The following SPECC1 variants were observed in gnomAD, a reference collection of about 807,000 sequenced individuals.
SPECC1 encodes the protein cytospin-B.
In SPECC1, 62 loss-of-function variants were observed where a neutral mutation model predicts 104.1. The ratio of observed to expected loss-of-function variants is 0.60; its 90% CI spans 0.49 to 0.74. SPECC1 has a LOEUF of 0.74. SPECC1 is among the 30% of genes least tolerant of loss of function. The pLI, the probability that SPECC1 is intolerant of heterozygous loss-of-function variation, is 0.00. For synonymous variants in SPECC1, 513 were observed against 501.6 expected, an observed-to-expected ratio of 1.02 and a Z score of -0.30; for missense variants, 1,306 against 1,310.5, an observed-to-expected ratio of 1.00 and a Z score of 0.05.
intron 3 of SPECC1, among the ~76,000 whole-genome samples, chr17:20,183,258 C>T (rs866364849): frequency 6.6e-5 from 10 of 152,286 alleles, no homozygotes; most frequent in Middle Eastern, 3.4e-3. Flanking sequence ...TATATGTCTA[C>T]CCCTGTGGTG....
At chr17:20,024,540 T>A (rs2044524355) in intron 1 of SPECC1, among the ~76,000 whole-genome samples, 1 of 152,340 alleles carries the variant, frequency 6.6e-6, no homozygotes, top group African/African-American at 2.4e-5. Flanking sequence ...TTTTCTACCC[T>A]TCCATATTTC....
At chr17:20,259,061 G>A (rs1282335123) in intron 11 of SPECC1, among the ~76,000 whole-genome samples, 1 of 152,210 alleles carries the variant, frequency 6.6e-6, no homozygotes, top group African/African-American at 2.4e-5. Flanking sequence ...GCTAGTTTAG[G>A]AGTAATAGCT....
chr17:20,205,589 G>A lies in SPECC1; in HGVS notation c.1540G>A (p.Glu514Lys), dbSNP rs1367812489. 8.1e-6 allele frequency: 13 copies of A among 1,614,042 alleles called. No individual in the cohort carries two copies. The South Asian group carries it at 1.3e-4, about 16-fold the overall frequency. The change falls in exon 4 of 15, where the codon GAA (glutamate) becomes AAA (lysine). Residue 514 changes from glutamate to lysine, a missense_variant. Glu to Lys is a moderately conservative substitution (Grantham distance 56). Around this residue, in one of 2 missense-constraint regions of SPECC1, gnomAD observed 1,177 missense variants for 1,139.9 expected, o/e 1.03. Transcript: ENST00000395527. ...TTTAGAAATGATTAAACGTCTGAAG[G>A]AAGAAAATGAAAAACTGAATGAGTT... ...GALEMIKRLK[E>K]ENEKLNEFLE... is the part of the protein sequence containing the mutation.
intron 3 of SPECC1, among the ~76,000 whole-genome samples, chr17:20,145,824 T>G (rs1054433982): frequency 6.6e-6 from 1 of 152,226 alleles, no homozygotes; most frequent in Non-Finnish European, 1.5e-5. Context: ...TGATAGGTAG[T>G]CCACAGAGAC....
Position 20,315,047 on chromosome 17 carries a change from C to T in SPECC1, c.*982C>T. On this transcript the variant is annotated 3_prime_UTR_variant, in exon 15 of 15. Coordinates refer to ENST00000395527, the MANE Select transcript of SPECC1 (RefSeq NM_001243439.2). ...TTTGTCCTCCCATTCGTTTACCCTC[C>T]CGTTCACATCCACACAGGCTTGTAC... The T allele has an allele frequency of 4.3e-6, 1 of 232,948 alleles. No homozygotes were observed. The allele number at this position is 232,948 out of a possible 1,614,324, so 14.4% of individuals were successfully genotyped here.
At chr17:20,282,054 G>A (rs1189514852) in intron 12 of SPECC1, among the ~76,000 whole-genome samples, 2 of 152,272 alleles carry the variant, frequency 1.3e-5, no homozygotes, top group African/African-American at 4.8e-5. Context: ...CCAGCCAGGG[G>A]GCAGGAGGTG....
At chr17:20,253,356 CAAAT>C in intron 9 of SPECC1, 145 bp from the exon 10 acceptor site, 1 of 651,036 alleles carries the variant, frequency 1.5e-6, no homozygotes, top group Non-Finnish European at 2.6e-6. Flanking sequence ...ATTACCTATT[CAAAT>C]AAATGAGTTA....
Position 20,205,103 on chromosome 17 carries a change from A to C in SPECC1, c.1054A>C (p.Ser352Arg), listed in dbSNP as rs1043767887. ...GTCCTCCACCAGTAACCCCTTTAAG[A>C]GTTCAAAGTGTTCTACTGCTGGGAG... The part of the protein sequence containing the change: ...PLSSTSNPFK[S>R]SKCSTAGSSP... The change falls in exon 4 of 15, where the codon AGT becomes CGT. Residue 352 changes from serine to arginine, a missense_variant. Physicochemically the swap from Ser to Arg is moderately radical, Grantham distance 110. This residue lies in a region of SPECC1 where 1,177 missense variants were observed against 1,139.9 expected (regional missense o/e 1.03). Transcript: ENST00000395527. 6.2e-7 allele frequency: 1 copy of C among 1,614,086 alleles called. No homozygotes were observed. The highest frequency in any genetic ancestry group is 1.3e-5 in the African/African-American group (1 of 74,936).
chr17:20,270,534 A>C (rs2040373260), intron 12 of SPECC1, among the ~76,000 whole-genome samples: 1 of 148,222 alleles, frequency 6.7e-6, no homozygotes, highest in Non-Finnish European at 1.5e-5. Context: ...ACAGAGACTT[A>C]CTTGAGCCCA....
At chr17:20,186,226 A>G (rs1454540246) in intron 3 of SPECC1, among the ~76,000 whole-genome samples, 4 of 152,222 alleles carry the variant, frequency 2.6e-5, no homozygotes, top group Non-Finnish European at 4.4e-5. Flanking sequence ...CACCACAATA[A>G]AATGAATTAC....
intron 1 of SPECC1, among the ~76,000 whole-genome samples, chr17:20,031,455 G>A (rs2044808548): frequency 6.6e-6 from 1 of 152,130 alleles, no homozygotes; most frequent in South Asian, 2.1e-4. Context: ...AAGTAGCTGG[G>A]ATTACAGGTG....
chr17:20,097,779 TA>T (rs2047724763), intron 2 of SPECC1, among the ~76,000 whole-genome samples: 1 of 152,188 alleles, frequency 6.6e-6, no homozygotes, highest in Non-Finnish European at 1.5e-5. Flanking sequence ...TAGGCTCAGA[TA>T]ATAATAAAAG....
intron 1 of SPECC1, chr17:20,017,177 G>A (rs1359376537): frequency 2.0e-5 from 3 of 152,356 alleles, no homozygotes; most frequent in Admixed American, 2.0e-4. Flanking sequence ...CCGCGCTGCT[G>A]AAGGTTTGTC....
intron 1 of SPECC1, among the ~76,000 whole-genome samples, chr17:20,048,136 C>CT (rs543097038): frequency 0.081 from 11,351 of 139,772 alleles, 577 homozygotes; most frequent in African/African-American, 0.15. Context: ...AGAAATGAGT[C>CT]TTTTTTTTTT....
chr17:20,247,080 A>G lies in SPECC1; in HGVS notation c.2498-139A>G, dbSNP rs543014076. The G allele has an allele frequency of 2.7e-3, 1,539 of 565,264 alleles. 9 individuals carry two copies. The highest frequency in any genetic ancestry group is 2.8e-3 in the Non-Finnish European group (908 of 329,158). The allele number at this position is 565,264 out of a possible 1,614,324, so 35.0% of individuals were successfully genotyped here. Reference sequence around the variant, plus strand: ...CCAAAGCAGCTCTAGTCCGGAGAAGAAAAGGATAATAGAGTAAATATTACA... The same window carrying G: ...CCAAAGCAGCTCTAGTCCGGAGAAGGAAAGGATAATAGAGTAAATATTACA... On this transcript the variant is annotated intron_variant, in intron 8 of 14. Transcript: ENST00000395527.
chr17:20,164,160 T>C (rs978881450), intron 3 of SPECC1, among the ~76,000 whole-genome samples: 2 of 151,738 alleles, frequency 1.3e-5, no homozygotes, highest in Non-Finnish European at 2.9e-5. Context: ...TGGGATTTCT[T>C]CCCATGTAAT....
intron 3 of SPECC1, among the ~76,000 whole-genome samples, chr17:20,136,474 G>T (rs542290589): frequency 3.8e-4 from 57 of 151,218 alleles, no homozygotes; most frequent in Non-Finnish European, 6.2e-4. Context: ...TCTTTTATCA[G>T]GTAAACATTT....
At chr17:20,050,893 A>G (rs1180455922) in intron 1 of SPECC1, among the ~76,000 whole-genome samples, 3 of 152,192 alleles carry the variant, frequency 2.0e-5, no homozygotes, top group Admixed American at 6.5e-5. Context: ...AAACTAATGC[A>G]TACATGAGCT....
Position 20,231,824 on chromosome 17 carries a change from A to T in SPECC1, c.2138A>T (p.Gln713Leu), listed in dbSNP as rs1598043439. The T allele has an allele frequency of 1.2e-6, 2 of 1,614,106 alleles. No individual in the cohort carries two copies. Among genetic ancestry groups the T allele is most frequent in the East Asian group, 4.5e-5 (2 of 44,862 alleles). ...AGGCAGCTGAAGACTCTGACCAAGC[A>T]GATGAAGGTGAGATGCGGGTGGGAG... Reference protein sequence around the residue: ...LERQLKTLTKQMKEETEEWRR... With the variant: ...LERQLKTLTKLMKEETEEWRR... The change falls in exon 6 of 15, where the codon CAG (glutamine) becomes CTG (leucine). Residue 713 changes from glutamine (Q) to leucine (L), a missense_variant. Coordinates refer to ENST00000395527, the MANE Select transcript of SPECC1 (RefSeq NM_001243439.2).
Sources: gnomAD v4.1 joint callset for allele counts (sites outside exome capture counted in the v4.1 genomes callset) on GRCh38, gnomAD v4.1.1 for gene constraint, gnomAD v4.1.1 regional missense constraint, MANE v1.5 for transcripts, NCBI Gene and HGNC (gene_info 2026-07-23, HGNC 2026-07-21) for gene names.